Variants in TMTC2 observed in about 807,000 individuals in gnomAD.
TMTC2 encodes protein O-mannosyl-transferase TMTC2.
In TMTC2, 43 loss-of-function variants were observed where a neutral mutation model predicts 82.4. The observed-to-expected ratio is 0.52, with a 90% CI of 0.41 to 0.67. The LOEUF is 0.67. TMTC2 is among the 30% of genes least tolerant of loss of function. TMTC2 has a pLI of 0.00. For synonymous variants in TMTC2, 408 were observed against 381.9 expected (o/e 1.07, Z -0.80); for missense variants, 919 against 1,012.4 (o/e 0.91, Z 1.25).
intron 8 of TMTC2, among the ~76,000 whole-genome samples, chr12:83,001,082 G>C (rs1293494652): frequency 6.6e-6 from 1 of 152,110 alleles, no homozygotes; most frequent in Non-Finnish European, 1.5e-5. Context: ...CCGGGCCTGT[G>C]ACGGGAGGGG....
At chr12:82,963,855 A>G (rs1878067104) in intron 4 of TMTC2, among the ~76,000 whole-genome samples, 6 of 102,812 alleles carry the variant, frequency 5.8e-5, no homozygotes, top group African/African-American at 1.2e-4. Flanking sequence ...ATATATGTGA[A>G]AGTGATCTTA....
chr12:82,708,305 T>C (rs1265999171), intron 1 of TMTC2, among the ~76,000 whole-genome samples: 2 of 152,176 alleles, frequency 1.3e-5, no homozygotes, highest in African/African-American at 2.4e-5. Context: ...CCGACCACAG[T>C]TGAGAAACAC....
intron 8 of TMTC2, 145 bp from the exon 9 acceptor site, chr12:83,030,653 T>C (rs1330578965): frequency 1.8e-6 from 1 of 556,918 alleles, no homozygotes; most frequent in Non-Finnish European, 3.2e-6. Flanking sequence ...TCCTTGATCA[T>C]CCTCACATAG....
At chr12:82,822,834 G>T (rs1162043583) in intron 1 of TMTC2, among the ~76,000 whole-genome samples, 1 of 152,130 alleles carries the variant, frequency 6.6e-6, no homozygotes, top group African/African-American at 2.4e-5. Flanking sequence ...GTATAGCTGG[G>T]CACGCTGCAG....
intron 8 of TMTC2, among the ~76,000 whole-genome samples, chr12:83,005,206 T>TAAAAAAAA (rs59772281): frequency 2.8e-5 from 1 of 36,340 alleles, no homozygotes; most frequent in African/African-American, 6.1e-5. Context: ...TTTGTCTTAT[T>TAAAAAAAA]AAAAAAAAAA....
chr12:83,093,143 C>T (rs1215790887), intron 11 of TMTC2, among the ~76,000 whole-genome samples: 1 of 152,146 alleles, frequency 6.6e-6, no homozygotes, highest in Non-Finnish European at 1.5e-5. Flanking sequence ...ACATGTTTCC[C>T]TATCAACGTC....
At chr12:82,926,799 T>C (rs539236625) in intron 3 of TMTC2, among the ~76,000 whole-genome samples, 1 of 152,322 alleles carries the variant, frequency 6.6e-6, no homozygotes, top group South Asian at 2.1e-4. Context: ...AAATCTACTC[T>C]GTTTATGCTC....
At chr12:82,824,413 T>A (rs781246532) in intron 1 of TMTC2, among the ~76,000 whole-genome samples, 2 of 152,226 alleles carry the variant, frequency 1.3e-5, no homozygotes, top group Non-Finnish European at 2.9e-5. Context: ...TGGTTCAGGA[T>A]TATTCTCTGT....
At chr12:83,001,367 G>A (rs990144807) in intron 8 of TMTC2, among the ~76,000 whole-genome samples, 3 of 152,146 alleles carry the variant, frequency 2.0e-5, no homozygotes, top group Non-Finnish European at 4.4e-5. Context: ...GCCCAGCACG[G>A]TGGGTAATGC....
chr12:82,863,182 T>G (rs1382425502), intron 2 of TMTC2, among the ~76,000 whole-genome samples: 2 of 151,726 alleles, frequency 1.3e-5, no homozygotes, highest in African/African-American at 4.9e-5. Flanking sequence ...TCAATTGCAT[T>G]GAATGAAATA....
At position 83,059,634 on chromosome 12, in the gene TMTC2, T is replaced by G. The variant is rs545890301; in HGVS notation, c.2268-2134T>G. Among the ~76,000 whole-genome samples, 17 of 151,884 alleles carry G rather than the reference T, an allele frequency of 1.1e-4. No homozygotes were observed. In the South Asian group the frequency reaches 3.5e-3, roughly 31 times the overall value. On this transcript the variant is annotated intron_variant, in intron 10 of 11. Coordinates refer to ENST00000321196, the MANE Select transcript of TMTC2 (RefSeq NM_152588.3). ...GCTTAAGAAATTAAGTTTTCTAACC[T>G]AGATATTTCCTTTGAGAACTAAAGC...
rs1379432182 is a variant in TMTC2, at chr12:82,801,947, A to G, written c.84-55063A>G. On this transcript the variant is annotated intron_variant, in intron 1 of 11. Coordinates refer to ENST00000321196, the MANE Select transcript of TMTC2 (RefSeq NM_152588.3). ...GACATAAAGATTCTCTCAGGTCCCC[A>G]CCAGACTCAGGAGCCCAGCTGGCTT... Among the ~76,000 whole-genome samples, 4 of 152,254 alleles carry G rather than the reference A, an allele frequency of 2.6e-5. No homozygotes were observed. In the East Asian group the frequency reaches 5.8e-4, roughly 22 times the overall value.
At chr12:82,904,732 T>G (rs1190827250) in intron 3 of TMTC2, among the ~76,000 whole-genome samples, 1 of 152,198 alleles carries the variant, frequency 6.6e-6, no homozygotes, top group Non-Finnish European at 1.5e-5. Context: ...TTGATTCGTA[T>G]TTGCTTAAAG....
chr12:82,944,824 G>A (rs754281773), intron 4 of TMTC2, among the ~76,000 whole-genome samples: 4 of 152,150 alleles, frequency 2.6e-5, no homozygotes, highest in East Asian at 1.9e-4. Context: ...TCTCCTCCAC[G>A]TGGTATTCAG....
At chr12:82,768,794 AG>A (rs1877126356) in intron 1 of TMTC2, among the ~76,000 whole-genome samples, 1 of 152,012 alleles carries the variant, frequency 6.6e-6, no homozygotes, top group Non-Finnish European at 1.5e-5. Flanking sequence ...TTTTCAGTTA[AG>A]GCAGAACCAA....
intron 4 of TMTC2, among the ~76,000 whole-genome samples, chr12:82,960,000 A>T: frequency 7.0e-6 from 1 of 143,316 alleles, no homozygotes; most frequent in Admixed American, 7.0e-5. Flanking sequence ...CATTAAAAAC[A>T]AAAAAAAGAA....
chr12:83,116,387 G>T (rs1393015170), intron 11 of TMTC2, among the ~76,000 whole-genome samples: 4 of 152,152 alleles, frequency 2.6e-5, no homozygotes, highest in African/African-American at 9.7e-5. Flanking sequence ...AAATTGTGCT[G>T]CTGTAAACAT....
At chr12:82,990,822 A>C (rs909932143) in intron 8 of TMTC2, among the ~76,000 whole-genome samples, 9 of 152,220 alleles carry the variant, frequency 5.9e-5, no homozygotes, top group Middle Eastern at 3.4e-3. Context: ...CCTCCCCTCC[A>C]GTACTCATTC....
intron 2 of TMTC2, among the ~76,000 whole-genome samples, chr12:82,869,936 C>A (rs957240818): frequency 6.6e-6 from 1 of 151,948 alleles, no homozygotes. Flanking sequence ...GGAGAGACAA[C>A]GGTATATTCT....
Sources: allele counts gnomAD v4.1 joint callset (sites outside exome capture counted in the v4.1 genomes callset), GRCh38; gene constraint gnomAD v4.1.1; transcripts MANE v1.5; gene names NCBI Gene and HGNC (gene_info 2026-07-23, HGNC 2026-07-21).